The following MYO5B variants were observed in gnomAD, a reference collection of about 807,000 sequenced individuals.
The protein encoded by MYO5B is myosin VB.
MYO5B carries 143 observed loss-of-function variants against 229.3 expected under a neutral mutation model. That is an observed-to-expected ratio of 0.62 (90% CI 0.54 to 0.72). MYO5B has a LOEUF of 0.72. Among genes scored for constraint, MYO5B ranks in the 30% least tolerant of loss-of-function variants. The pLI is 0.00. For missense variants in MYO5B, 2,321 were observed against 2,331.0 expected (o/e 1.00, Z 0.09); for synonymous variants, 918 against 885.2 (o/e 1.04, Z -0.66).
chr18:50,053,838 G>A (rs1284251635), intron 2 of MYO5B, among the ~76,000 whole-genome samples: 1 of 152,152 alleles, frequency 6.6e-6, no homozygotes, highest in Admixed American at 6.5e-5. Flanking sequence ...CAGAGGATAT[G>A]GTACACACTT....
intron 4 of MYO5B, among the ~76,000 whole-genome samples, chr18:50,011,780 C>T (rs2026163160): frequency 6.6e-6 from 1 of 152,022 alleles, no homozygotes; most frequent in Non-Finnish European, 1.5e-5. Flanking sequence ...CAATCCATTC[C>T]CCCTCACTGC....
At chr18:50,144,263 T>C (rs893968775) in intron 1 of MYO5B, among the ~76,000 whole-genome samples, 1 of 152,208 alleles carries the variant, frequency 6.6e-6, no homozygotes, top group Non-Finnish European at 1.5e-5. Context: ...TCCCATGGTA[T>C]AGAAGACTAG....
chr18:50,050,868 G>C (rs1027895750), intron 2 of MYO5B, among the ~76,000 whole-genome samples: 5 of 152,210 alleles, frequency 3.3e-5, no homozygotes, highest in Admixed American at 1.3e-4. Context: ...ACATGCAAAA[G>C]ATTCTTACAT....
intron 1 of MYO5B, among the ~76,000 whole-genome samples, chr18:50,137,037 C>T (rs1408285710): frequency 2.6e-5 from 4 of 152,202 alleles, no homozygotes; most frequent in African/African-American, 9.6e-5. Flanking sequence ...CTAGTGCTTA[C>T]TTTTATGTCC....
At position 49,825,489 on chromosome 18, in the gene MYO5B, G is replaced by A. The variant is rs1189917399; in HGVS notation, c.*982C>T. Reference sequence around the variant, plus strand: ...TTGAAGGTTTTTCAGATGATCTGATGTGCGAACTTTAGTTTGTTTTACTAT... The same window carrying A: ...TTGAAGGTTTTTCAGATGATCTGATATGCGAACTTTAGTTTGTTTTACTAT... On this transcript the variant is annotated 3_prime_UTR_variant, in exon 40 of 40. Coordinates refer to ENST00000285039, the MANE Select transcript of MYO5B (RefSeq NM_001080467.3). 6.6e-5 allele frequency: 10 copies of A among 151,722 alleles called. No individual in the cohort carries two copies. The highest frequency in any genetic ancestry group is 1.2e-4 in the Non-Finnish European group (8 of 67,940). 9.4% of individuals were successfully genotyped at this position (151,722 alleles called of 1,614,324 possible).
At chr18:50,055,439 G>A in intron 1 of MYO5B, 61 bp from the exon 2 acceptor site, 1 of 1,385,680 alleles carries the variant, frequency 7.2e-7, no homozygotes, top group Non-Finnish European at 1.0e-6. Context: ...TTCTAAATGT[G>A]TGTCACTACC....
At chr18:50,079,898 G>C (rs1159477038) in intron 1 of MYO5B, among the ~76,000 whole-genome samples, 1 of 152,202 alleles carries the variant, frequency 6.6e-6, no homozygotes, top group Non-Finnish European at 1.5e-5. Context: ...TGTTGCCACA[G>C]GAGCACAATG....
At position 49,872,524 on chromosome 18, in the gene MYO5B, GC is replaced by G. The variant is rs111437243; in HGVS notation, c.3538-293del. On this transcript the variant is annotated intron_variant, in intron 26 of 39. Transcript: ENST00000285039. ...AGCACTGTGTTATGGCTTGAATTTTGCCCCCCCAAATGATATTCTGAAGTCC... is the reference window on the plus strand; with the variant it reads ...AGCACTGTGTTATGGCTTGAATTTTGCCCCCCAAATGATATTCTGAAGTCC... Among the ~76,000 whole-genome samples, 36,518 of 151,708 alleles carry G rather than the reference GC, an allele frequency of 0.24. 4,533 individuals are homozygous for G. Among genetic ancestry groups the G allele is most frequent in the East Asian group, 0.42 (2,164 of 5,138 alleles).
intron 1 of MYO5B, among the ~76,000 whole-genome samples, chr18:50,174,884 AG>A (rs1224295598): frequency 6.6e-6 from 1 of 152,226 alleles, no homozygotes; most frequent in Non-Finnish European, 1.5e-5. Flanking sequence ...CTCAGACATC[AG>A]GCCCTGTTCC....
At chr18:50,031,212 T>C (rs967056630) in intron 4 of MYO5B, among the ~76,000 whole-genome samples, 1 of 152,176 alleles carries the variant, frequency 6.6e-6, no homozygotes, top group Non-Finnish European at 1.5e-5. Context: ...GAACAGCTTC[T>C]TGGCTAATGC....
intron 1 of MYO5B, among the ~76,000 whole-genome samples, chr18:50,067,527 G>A (rs2030850705): frequency 6.6e-6 from 1 of 152,200 alleles, no homozygotes; most frequent in Non-Finnish European, 1.5e-5. Context: ...TATTGGAGAT[G>A]GGGCCTAATG....
intron 12 of MYO5B, among the ~76,000 whole-genome samples, chr18:49,961,353 AT>A (rs1489809066): frequency 6.6e-6 from 1 of 152,186 alleles, no homozygotes; most frequent in Non-Finnish European, 1.5e-5. Context: ...TTAAAAAAAA[AT>A]ATGCAAGCTG....
At chr18:50,060,602 A>G (rs542405726) in intron 1 of MYO5B, among the ~76,000 whole-genome samples, 34 of 152,386 alleles carry the variant, frequency 2.2e-4, no homozygotes, top group South Asian at 1.9e-3. Flanking sequence ...TCTTTTGAAA[A>G]GAGCCCCACA....
At chr18:50,100,675 T>C (rs1026228701) in intron 1 of MYO5B, among the ~76,000 whole-genome samples, 6 of 152,230 alleles carry the variant, frequency 3.9e-5, no homozygotes, top group Admixed American at 2.6e-4. Context: ...CCACATACTA[T>C]GCATGCATCT....
intron 1 of MYO5B, among the ~76,000 whole-genome samples, chr18:50,114,706 C>T (rs867561242): frequency 1.3e-5 from 2 of 152,214 alleles, no homozygotes; most frequent in Non-Finnish European, 2.9e-5. Context: ...CATCCTTCTA[C>T]TTGAGTGGCC....
intron 14 of MYO5B, among the ~76,000 whole-genome samples, chr18:49,942,277 GC>G (rs1200527312): frequency 6.7e-6 from 1 of 150,064 alleles, no homozygotes; most frequent in Non-Finnish European, 1.5e-5. Context: ...ATAGGCATGG[GC>G]AAGGACTTCA....
chr18:50,185,194 A>G (rs2033130738), intron 1 of MYO5B, among the ~76,000 whole-genome samples: 1 of 152,148 alleles, frequency 6.6e-6, no homozygotes, highest in Admixed American at 6.5e-5. Flanking sequence ...AGTGATCAAT[A>G]ATGTAGAGCC....
intron 9 of MYO5B, among the ~76,000 whole-genome samples, chr18:49,979,540 CAGA>C (rs1313974586): frequency 6.6e-6 from 1 of 152,230 alleles, no homozygotes; most frequent in Non-Finnish European, 1.5e-5. Flanking sequence ...TCTAGACAAA[CAGA>C]AGGAGGTTAA....
At chr18:50,046,496 A>T (rs1001496295) in intron 2 of MYO5B, among the ~76,000 whole-genome samples, 3 of 152,206 alleles carry the variant, frequency 2.0e-5, no homozygotes, top group African/African-American at 7.2e-5. Flanking sequence ...TTCCAACTTC[A>T]TTGGCTGAAG....
Sources: allele counts gnomAD v4.1 joint callset (sites outside exome capture counted in the v4.1 genomes callset), GRCh38; gene constraint gnomAD v4.1.1; transcripts MANE v1.5; gene names NCBI Gene and HGNC (gene_info 2026-07-23, HGNC 2026-07-21).